The following IGSF22 variants were observed in gnomAD, a reference collection of about 807,000 sequenced individuals.
IGSF22 encodes the protein immunoglobulin superfamily, member 22.
IGSF22 carries 119 observed loss-of-function variants against 127.0 expected under a neutral mutation model. The observed-to-expected ratio is 0.94, with a 90% CI of 0.81 to 1.09. The LOEUF (loss-of-function observed/expected upper bound fraction) is 1.09, where lower values mean the gene tolerates loss of function less well. Among genes scored for constraint, IGSF22 ranks in the 50% least tolerant of loss-of-function variants. IGSF22 has a pLI of 0.00. For synonymous variants in IGSF22, 568 were observed against 664.7 expected (o/e 0.85, Z 2.24); for missense variants, 1,518 against 1,716.6 (o/e 0.88, Z 2.04).
At chr11:18,707,760 G>T in intron 20 of IGSF22, 44 bp downstream of exon 20, 2 of 1,497,158 alleles carry the variant, frequency 1.3e-6, no homozygotes, top group Non-Finnish European at 1.8e-6. Context: ...GCTTTGGAGA[G>T]TGTACAGGGA....
chr11:18,721,455 G>A, intron 4 of IGSF22, 80 bp downstream of exon 4: 1 of 1,585,980 alleles, frequency 6.3e-7, no homozygotes, highest in East Asian at 2.2e-5. Context: ...GGCTCTCATC[G>A]GTGAGAAGAC....
Position 18,710,330 on chromosome 11 carries a change from C to T in IGSF22, c.2698G>A (p.Val900Ile), listed in dbSNP as rs752094630. Residue 900 changes from valine to isoleucine, a missense_variant, in exon 17 of 23, where the codon GTT becomes ATT. By Grantham distance (29) the Val-to-Ile change is conservative. Around this residue, in one of 3 missense-constraint regions of IGSF22, gnomAD observed 1,456 missense variants for 1,644.9 expected, o/e 0.89. Coordinates refer to ENST00000513874, the MANE Select transcript of IGSF22 (RefSeq NM_173588.4). Reference sequence around the variant, plus strand: ...GACCTGGCAGCCGCATACTCACTAACAGGATCCTTGGCCACTACTGAGCTG... The same window carrying T: ...GACCTGGCAGCCGCATACTCACTAATAGGATCCTTGGCCACTACTGAGCTG... ...PSSSVVAKDP[V>I]KPPGLVQDLH... is the part of the protein sequence containing the mutation. The T allele has an allele frequency of 8.1e-6, 13 of 1,614,084 alleles. No individual in the cohort carries two copies. The highest frequency in any genetic ancestry group is 1.1e-5 in the Non-Finnish European group (13 of 1,179,954).
intron 21 of IGSF22, chr11:18,706,611 T>G (rs759675189): frequency 1.2e-4 from 38 of 320,664 alleles, no homozygotes; most frequent in Non-Finnish European, 1.8e-4. Flanking sequence ...AGCCCTCCCC[T>G]GTTCTCAGCC....
chr11:18,709,625 G>A lies in IGSF22; in HGVS notation c.2760C>T (p.Ser920=), dbSNP rs1183778999. 1.9e-6 allele frequency: 3 copies of A among 1,614,174 alleles called. No individual in the cohort carries two copies. The highest frequency in any genetic ancestry group is 1.1e-5 in the South Asian group (1 of 91,078). Residue 920 remains serine (S), a synonymous_variant, in exon 18 of 23, where the codon TCC becomes TCT. Coordinates refer to ENST00000513874, the MANE Select transcript of IGSF22 (RefSeq NM_173588.4). The surrounding 1 kb of genome is among the most constrained non-coding windows in gnomAD (Gnocchi z 4.8). Reference sequence around the variant, plus strand: ...CCTCTGCAGGCTCCCGCCAGGCCAGGGAAATGCTGGAGTTGGAGGAATCAG... The same window carrying A: ...CCTCTGCAGGCTCCCGCCAGGCCAGAGAAATGCTGGAGTTGGAGGAATCAG... ...HVSDSSNSSI[S]LAWREPAEGD...
chr11:18,710,789 A>C lies in IGSF22; in HGVS notation c.2438T>G (p.Val813Gly), dbSNP rs1848340519. 1 of 1,614,000 alleles carries C rather than the reference A, an allele frequency of 6.2e-7. No homozygotes were observed. Residue 813 changes from valine (V) to glycine (G), a missense_variant, in exon 16 of 23, where the codon GTG becomes GGG. Physicochemically the swap from Val to Gly is moderately radical, Grantham distance 109. Around this residue, in one of 3 missense-constraint regions of IGSF22, gnomAD observed 1,456 missense variants for 1,644.9 expected, o/e 0.89. Transcript: ENST00000513874. Reference protein sequence around the residue: ...GFASQPQVTDVTKEAVTITWN... With the variant: ...GFASQPQVTDGTKEAVTITWN... Reference sequence around the variant, plus strand: ...CGTGATGGTCACGGCTTCTTTAGTCACATCAGTCACTTGAGGCTGGGAGGC... The same window carrying C: ...CGTGATGGTCACGGCTTCTTTAGTCCCATCAGTCACTTGAGGCTGGGAGGC...
At chr11:18,718,198 C>T in intron 8 of IGSF22, 105 bp from the exon 9 acceptor site, 3 of 1,037,536 alleles carry the variant, frequency 2.9e-6, no homozygotes, top group Non-Finnish European at 4.2e-6. Flanking sequence ...GCATGTCCAA[C>T]CCTCTAAAGA....
At chr11:18,707,255 G>T in intron 20 of IGSF22, 42 bp from the exon 21 acceptor site, 1 of 1,471,296 alleles carries the variant, frequency 6.8e-7, no homozygotes, top group Non-Finnish European at 9.1e-7. Context: ...TGGGGCACCT[G>T]AAGTATTATG....
At chr11:18,712,035 A>C in intron 15 of IGSF22, 47 bp downstream of exon 15, 1 of 1,494,054 alleles carries the variant, frequency 6.7e-7, no homozygotes, top group Non-Finnish European at 9.0e-7. Flanking sequence ...TAAGGTCTCC[A>C]TGCTGACCCC....
chr11:18,713,245 C>T (rs1436395790), intron 14 of IGSF22, among the ~76,000 whole-genome samples: 1 of 151,342 alleles, frequency 6.6e-6, no homozygotes, highest in African/African-American at 2.4e-5. Flanking sequence ...CTCTGCCTCC[C>T]AGGTTCAAGC....
intron 15 of IGSF22, among the ~76,000 whole-genome samples, chr11:18,711,402 ATAT>A (rs1848353995): frequency 6.6e-6 from 1 of 151,948 alleles, no homozygotes; most frequent in Admixed American, 6.6e-5. Context: ...AGTAATAATA[ATAT>A]TATTATTTTT....
At chr11:18,720,335 A>G in intron 4 of IGSF22, 50 bp from the exon 5 acceptor site, 1 of 1,456,094 alleles carries the variant, frequency 6.9e-7, no homozygotes, top group Non-Finnish European at 9.6e-7. Flanking sequence ...AACCACAGGG[A>G]GACTTTCTGT....
Position 18,708,013 on chromosome 11 carries a change from G to T in IGSF22, c.3088-17C>A. 6.2e-7 allele frequency: 1 copy of T among 1,613,620 alleles called. No individual in the cohort carries two copies. The highest frequency in any genetic ancestry group is 8.5e-7 in the Non-Finnish European group (1 of 1,179,558). Reference sequence around the variant, plus strand: ...TGGTGAGCCCTGAGTAGTGACAGGAGATGGCACAACTGGTCACACAGATGA... The same window carrying T: ...TGGTGAGCCCTGAGTAGTGACAGGATATGGCACAACTGGTCACACAGATGA... On this transcript the variant is annotated splice_polypyrimidine_tract_variant and intron_variant, in intron 19 of 22. Transcript: ENST00000513874.
chr11:18,714,186 C>A, intron 13 of IGSF22, 38 bp from the exon 14 acceptor site: 1 of 1,595,724 alleles, frequency 6.3e-7, no homozygotes, highest in South Asian at 1.1e-5. Flanking sequence ...TGAGCATTGG[C>A]ATGGAGGAGC....
At position 18,715,522 on chromosome 11, in the gene IGSF22, G is replaced by A. The variant is rs747129950; in HGVS notation, c.1441C>T (p.Gln481Ter). The change falls in exon 11 of 23, where the codon CAG (glutamine) becomes TAG (stop). Residue 481 changes from glutamine to a stop codon, truncating the protein, a stop_gained. Coordinates refer to ENST00000513874, the MANE Select transcript of IGSF22 (RefSeq NM_173588.4). LOFTEE classifies it high-confidence loss of function. The stretch of plus-strand genomic sequence containing the variant: ...GTGTACTCGCCACCATCACTGAGCT[G>A]TGCATCCTCAATGATCAGCTCTGCT... ...KRAELIIEDA[Q>*]LSDGGEYTVV... 5.6e-6 allele frequency: 9 copies of A among 1,613,858 alleles called. No homozygotes were observed. The highest frequency in any genetic ancestry group is 5.1e-6 in the Non-Finnish European group (6 of 1,179,874).
Position 18,710,473 on chromosome 11 carries a change from G to A in IGSF22, c.2573-18C>T, listed in dbSNP as rs1348122009. On this transcript the variant is annotated intron_variant, in intron 16 of 22. Transcript: ENST00000513874. ...CTTGGTGCCTGAAATGGGAAGATGA[G>A]GGGTCGTGAGGCCAGAGGCATCCAT... 2.5e-6 allele frequency: 4 copies of A among 1,613,538 alleles called. No homozygotes were observed. Among genetic ancestry groups the A allele is most frequent in the East Asian group, 2.2e-5 (1 of 44,886 alleles).
chr11:18,724,239 T>A lies in IGSF22; in HGVS notation c.-3A>T. The A allele has an allele frequency of 6.2e-7, 1 of 1,612,462 alleles. No homozygotes were observed. Among genetic ancestry groups the A allele is most frequent in the Non-Finnish European group, 8.5e-7 (1 of 1,178,690 alleles). On this transcript the variant is annotated 5_prime_UTR_variant, in exon 2 of 23. Transcript: ENST00000513874. ...TGCCGGCTGTGAATGGTTGTCATGG[T>A]GACAGCAGGCGTGGGCACTCACCTG...
Position 18,709,564 on chromosome 11 carries a change from C to T in IGSF22, c.2821G>A (p.Ala941Thr). The T allele has an allele frequency of 6.2e-7, 1 of 1,614,220 alleles. No homozygotes were observed. The highest frequency in any genetic ancestry group is 8.5e-7 in the Non-Finnish European group (1 of 1,180,048). ...TTGGACCACTCCTTTGTGTCTTCAG[C>T]CCTCATCTCAAGGATGTAGCCAGAG... ...PPSGYILEMRAEDTKEWSKCT... is the reference protein window; with the variant it reads ...PPSGYILEMRTEDTKEWSKCT... Residue 941 changes from alanine (A) to threonine (T), a missense_variant, in exon 18 of 23, where the codon GCT becomes ACT. This residue lies in a region of IGSF22 where 1,456 missense variants were observed against 1,644.9 expected (regional missense o/e 0.89). Transcript: ENST00000513874. The surrounding 1 kb of genome is among the most constrained non-coding windows in gnomAD (Gnocchi z 4.8).
rs375601164 is a variant in IGSF22 at position 18,719,723 on chromosome 11, T to C, written c.689A>G (p.Glu230Gly). ...RKLKEMKKKV[E>G]VEAIRILKPL... ...TCCCTGCAGGGTACTTACCTCCACC[T>C]CTACTTTCTTCTTCATCTCTTTGAG... Residue 230 changes from glutamate to glycine, a missense_variant, in exon 7 of 23, where the codon GAG becomes GGG. Glu to Gly is a moderately conservative substitution (Grantham distance 98). This residue lies in a region of IGSF22 where 1,456 missense variants were observed against 1,644.9 expected (regional missense o/e 0.89). Transcript: ENST00000513874. 3.4e-5 allele frequency: 55 copies of C among 1,613,980 alleles called. No homozygotes were observed. The highest frequency in any genetic ancestry group is 4.5e-5 in the Non-Finnish European group (53 of 1,180,032).
In IGSF22 at chr11:18,710,671, G is replaced by A; in HGVS notation, c.2556C>T (p.Asn852=). 1 of 1,613,080 alleles carries A rather than the reference G, an allele frequency of 6.2e-7. No individual in the cohort carries two copies. Residue 852 remains asparagine, a synonymous_variant, in exon 16 of 23, where the codon AAC becomes AAT. Transcript: ENST00000513874. The stretch of plus-strand genomic sequence containing the variant: ...GGACCTCACCCTGGATGGGGTCCTT[G>A]TTGACTGGCACCCACAGGTTGCTGC... The part of the protein sequence containing the change: ...KKGSNLWVPV[N]KDPIQGTKCT...
Sources: allele counts gnomAD v4.1 joint callset (sites outside exome capture counted in the v4.1 genomes callset), GRCh38; gene constraint gnomAD v4.1.1; regional missense constraint gnomAD v4.1.1; non-coding constraint Gnocchi (gnomAD v3.1); transcripts MANE v1.5; gene names NCBI Gene and HGNC (gene_info 2026-07-23, HGNC 2026-07-21).